Variants in ERAP1 observed in about 807,000 individuals in gnomAD.
ERAP1 encodes adipocyte-derived leucine aminopeptidase.
In ERAP1, 86 loss-of-function variants were observed where a neutral mutation model predicts 103.7. The observed-to-expected ratio is 0.83, with a 90% CI of 0.70 to 0.99. The LOEUF is 0.99. Ranked by LOEUF, ERAP1 falls within the 50% of genes least tolerant of loss-of-function variation. The pLI is 0.00. For missense variants in ERAP1, 1,009 were observed against 1,128.4 expected, an observed-to-expected ratio of 0.89 and a Z score of 1.52; for synonymous variants, 398 against 402.4, an observed-to-expected ratio of 0.99 and a Z score of 0.13.
the ERAP1 span, among the ~76,000 whole-genome samples, chr5:96,863,220 CCAAT>C: frequency 1.3e-5 from 2 of 152,022 alleles, no homozygotes; most frequent in African/African-American, 2.4e-5. Flanking sequence ...GGCTTGTTCC[CCAAT>C]CAGTCTCTTC....
chr5:96,801,756 G>A (rs1401184001), intron 2 of ERAP1, among the ~76,000 whole-genome samples: 4 of 149,690 alleles, frequency 2.7e-5, no homozygotes, highest in Admixed American at 1.3e-4. Flanking sequence ...GGAGGCTGAG[G>A]CAGGAGAATT....
chr5:96,847,486 AT>A, the ERAP1 span, among the ~76,000 whole-genome samples: 1 of 152,208 alleles, frequency 6.6e-6, no homozygotes, highest in South Asian at 2.1e-4. Flanking sequence ...TCTAACATAT[AT>A]ATACAGAACA....
At chr5:96,894,270 C>T in the ERAP1 span, among the ~76,000 whole-genome samples, 4 of 152,158 alleles carry the variant, frequency 2.6e-5, no homozygotes, top group African/African-American at 4.8e-5. Context: ...TTATATTCAC[C>T]GGTTTTCAAA....
chr5:96,913,446 T>C, the ERAP1 span: 1 of 1,614,024 alleles, frequency 6.2e-7, no homozygotes, highest in Non-Finnish European at 8.5e-7. Flanking sequence ...ATTGGACCCA[T>C]CTTCTGAAAA....
chr5:96,920,332 T>G, the ERAP1 span, among the ~76,000 whole-genome samples: 1 of 150,126 alleles, frequency 6.7e-6, no homozygotes, highest in Non-Finnish European at 1.5e-5. Flanking sequence ...GGAGTCTAAC[T>G]GCCATGGTAA....
At chr5:96,874,983 T>C in the ERAP1 span, among the ~76,000 whole-genome samples, 6 of 152,230 alleles carry the variant, frequency 3.9e-5, no homozygotes, top group Admixed American at 2.0e-4. Context: ...AGGCTGCCAG[T>C]AGGCCACTAT....
chr5:96,921,926 GAATA>G, the ERAP1 span, among the ~76,000 whole-genome samples: 1 of 152,326 alleles, frequency 6.6e-6, no homozygotes, highest in East Asian at 1.9e-4. Flanking sequence ...GAGTTGGCCA[GAATA>G]AATTGTCTGT....
At chr5:96,879,970 G>A in the ERAP1 span, 145 of 1,614,148 alleles carry the variant, frequency 9.0e-5, 2 homozygotes, top group South Asian at 1.5e-3. Context: ...TTGCATCTGA[G>A]AAGATCGAAG....
chr5:96,837,615 C>A, the ERAP1 span, among the ~76,000 whole-genome samples: 2 of 152,160 alleles, frequency 1.3e-5, no homozygotes, highest in Admixed American at 6.5e-5. Context: ...TAGGGAGGTA[C>A]CTGCAACTCC....
At chr5:96,819,384 G>T in the ERAP1 span, among the ~76,000 whole-genome samples, 1 of 152,138 alleles carries the variant, frequency 6.6e-6, no homozygotes, top group Admixed American at 6.5e-5. Flanking sequence ...AATCATCAGC[G>T]GTGTAGACTG....
At chr5:96,790,888 C>A (rs1776658562) in intron 8 of ERAP1, among the ~76,000 whole-genome samples, 1 of 152,216 alleles carries the variant, frequency 6.6e-6, no homozygotes, top group Non-Finnish European at 1.5e-5. Context: ...AGTAGCCAGA[C>A]CTCCCGATGG....
At chr5:96,913,270 G>A in the ERAP1 span, 2 of 1,510,636 alleles carry the variant, frequency 1.3e-6, no homozygotes, top group Non-Finnish European at 1.8e-6. Flanking sequence ...TAATGTCCAT[G>A]TACATAATAC....
At chr5:96,791,776 G>A (rs1776758220) in intron 8 of ERAP1, among the ~76,000 whole-genome samples, 1 of 152,236 alleles carries the variant, frequency 6.6e-6, no homozygotes, top group Admixed American at 6.5e-5. Flanking sequence ...CAAAGTTGAT[G>A]CTCAATCAAT....
At chr5:96,850,590 A>G in the ERAP1 span, among the ~76,000 whole-genome samples, 1 of 152,170 alleles carries the variant, frequency 6.6e-6, no homozygotes, top group Admixed American at 6.6e-5. Flanking sequence ...TGAAAGATTA[A>G]TAAGCATTAG....
At chr5:96,887,970 C>A in the ERAP1 span, among the ~76,000 whole-genome samples, 4 of 151,574 alleles carry the variant, frequency 2.6e-5, no homozygotes, top group African/African-American at 4.8e-5. Context: ...ACTAAAAATA[C>A]AAAAATTAGC....
At chr5:96,914,920 A>G in the ERAP1 span, among the ~76,000 whole-genome samples, 1 of 143,670 alleles carries the variant, frequency 7.0e-6, no homozygotes, top group Non-Finnish European at 1.5e-5. Flanking sequence ...TAAATGATAT[A>G]TAGTATAAAA....
the ERAP1 span, among the ~76,000 whole-genome samples, chr5:96,824,514 A>G: frequency 1.4e-4 from 22 of 152,004 alleles, no homozygotes; most frequent in Non-Finnish European, 2.9e-4. Flanking sequence ...CTTCCAAACC[A>G]TCTCCTATCT....
upstream of ERAP1, among the ~76,000 whole-genome samples, chr5:96,808,891 G>A (rs199949029): frequency 2.0e-5 from 3 of 152,322 alleles, no homozygotes; most frequent in South Asian, 2.1e-4. Context: ...GAAAGAATTT[G>A]AGGGGAGTCC....
the ERAP1 span, chr5:96,903,449 A>G: frequency 1.3e-4 from 206 of 1,614,036 alleles, 2 homozygotes; most frequent in African/African-American, 2.5e-3. Flanking sequence ...TACATCGTTC[A>G]CTATGAGGGT....
Sources: gnomAD v4.1 joint callset for allele counts (sites outside exome capture counted in the v4.1 genomes callset) on GRCh38, gnomAD v4.1.1 for gene constraint, MANE v1.5 for transcripts, NCBI Gene and HGNC (gene_info 2026-07-23, HGNC 2026-07-21) for gene names.